Variants in CFAP52 observed in about 807,000 individuals in gnomAD.
CFAP52 encodes cilia- and flagella-associated protein 52.
CFAP52 carries 57 observed loss-of-function variants against 70.5 expected under a neutral mutation model. The ratio of observed to expected loss-of-function variants is 0.81; its 90% CI spans 0.65 to 1.01. The LOEUF is 1.01. Ranked by LOEUF, CFAP52 falls within the 50% of genes least tolerant of loss-of-function variation. The pLI is 0.00. For synonymous variants in CFAP52, 267 were observed against 292.5 expected, an observed-to-expected ratio of 0.91 and a Z score of 0.89; for missense variants, 785 against 788.5, an observed-to-expected ratio of 1.00 and a Z score of 0.05.
chr17:9,601,324 A>G (rs1467517108), intron 6 of CFAP52, among the ~76,000 whole-genome samples: 2 of 151,672 alleles, frequency 1.3e-5, no homozygotes, highest in Non-Finnish European at 2.9e-5. Flanking sequence ...TGACGAGTTA[A>G]TGGGTGCAGC....
At chr17:9,629,977 A>G (rs1385966087) in intron 9 of CFAP52, among the ~76,000 whole-genome samples, 1 of 151,898 alleles carries the variant, frequency 6.6e-6, no homozygotes, top group Non-Finnish European at 1.5e-5. Flanking sequence ...TAGGGCTGCC[A>G]GGAGCTCTGG....
intron 8 of CFAP52, among the ~76,000 whole-genome samples, chr17:9,627,286 G>C (rs1910274731): frequency 1.3e-5 from 2 of 152,090 alleles, no homozygotes; most frequent in Non-Finnish European, 2.9e-5. Flanking sequence ...GATGTGGGTG[G>C]ATCACCTGAG....
intron 1 of CFAP52, among the ~76,000 whole-genome samples, chr17:9,582,752 T>C (rs111922315): frequency 0.011 from 1,688 of 152,302 alleles, 32 homozygotes; most frequent in African/African-American, 0.039. Context: ...TTCTCCTGCC[T>C]CAGCCTCTCA....
chr17:9,628,961 C>T (rs1448782655), intron 9 of CFAP52, 141 bp downstream of exon 9: 1 of 1,292,180 alleles, frequency 7.7e-7, no homozygotes, highest in East Asian at 2.4e-5. Flanking sequence ...TCTAATCTAG[C>T]CTCTCTTTGG....
chr17:9,615,840 A>G (rs893349848), intron 8 of CFAP52, among the ~76,000 whole-genome samples: 3 of 120,226 alleles, frequency 2.5e-5, no homozygotes, highest in Non-Finnish European at 3.3e-5. Context: ...GGGTCTCACT[A>G]TGTTGCCCAA....
intron 12 of CFAP52, chr17:9,639,121 A>T: frequency 1.8e-5 from 3 of 163,360 alleles, no homozygotes; most frequent in Admixed American, 6.1e-5. Flanking sequence ...ACTGTACTTC[A>T]TCAATACATT....
At chr17:9,628,939 C>G in intron 9 of CFAP52, 119 bp downstream of exon 9, 22 of 1,419,368 alleles carry the variant, frequency 1.5e-5, no homozygotes, top group Non-Finnish European at 1.8e-5. Context: ...CACTGTCCAC[C>G]CCCTTCTTGC....
downstream of CFAP52, chr17:9,645,044 C>A (rs1911260819): frequency 6.6e-6 from 1 of 152,158 alleles, no homozygotes; most frequent in African/African-American, 2.4e-5. The surrounding 1 kb of genome is among the most constrained non-coding windows in gnomAD (Gnocchi z 6.8). Flanking sequence ...TGCCTCCCCC[C>A]AAGGGGCAGA....
chr17:9,644,682 T>A (rs1483156075), downstream of CFAP52: 2 of 151,958 alleles, frequency 1.3e-5, no homozygotes, highest in African/African-American at 2.4e-5. Flanking sequence ...GGATCGTGCG[T>A]TAAGGAGTGA....
intron 3 of CFAP52, among the ~76,000 whole-genome samples, chr17:9,588,478 A>G (rs1908597847): frequency 6.6e-6 from 1 of 152,184 alleles, no homozygotes; most frequent in African/African-American, 2.4e-5. Context: ...CAGGGCAGAC[A>G]GTGTGAGAAA....
chr17:9,580,889 T>A (rs1241717227), intron 1 of CFAP52, among the ~76,000 whole-genome samples: 1 of 152,208 alleles, frequency 6.6e-6, no homozygotes, highest in African/African-American at 2.4e-5. Flanking sequence ...AAGATAATCT[T>A]TGAGCTTTTA....
rs1911160841 is a variant in CFAP52 at position 9,643,127 on chromosome 17, G to A, written c.1792G>A (p.Gly598Arg). 1 of 1,613,840 alleles carries A rather than the reference G, an allele frequency of 6.2e-7. No homozygotes were observed. Among genetic ancestry groups the A allele is most frequent in the Non-Finnish European group, 8.5e-7 (1 of 1,179,898 alleles). The change falls in exon 14 of 14, where the codon GGA (glycine) becomes AGA (arginine). Residue 598 changes from glycine (G) to arginine (R), a missense_variant. Physicochemically the swap from Gly to Arg is moderately radical, Grantham distance 125. Coordinates refer to ENST00000352665, the MANE Select transcript of CFAP52 (RefSeq NM_145054.5). ...CATCACACGCATCCGCATAAGTCCA[G>A]GAAATCAATATATTGTTAGTGTAAG... ...GNITRIRISPGNQYIVSVSAD... is the reference protein window; with the variant it reads ...GNITRIRISPRNQYIVSVSAD...
chr17:9,606,639 G>T (rs1909501385), intron 6 of CFAP52, among the ~76,000 whole-genome samples: 1 of 152,178 alleles, frequency 6.6e-6, no homozygotes, highest in South Asian at 2.1e-4. Flanking sequence ...CAGAACCTGT[G>T]CACTTGAATG....
In CFAP52 at chr17:9,584,365, G is replaced by C. The variant is rs1030836586; in HGVS notation, c.71-1408G>C. ...CATGAAAGGTCCCAGGCTCTTCAGA[G>C]CACCTGGTGGGCACTCAGAACTGAA... On this transcript the variant is annotated intron_variant, in intron 1 of 13. Transcript: ENST00000352665. The C allele has an allele frequency of 3.9e-6, 5 of 1,286,112 alleles. No homozygotes were observed. The Admixed American group carries it at 1.2e-4, about 30-fold the overall frequency. 79.7% of individuals were successfully genotyped at this position (1,286,112 alleles called of 1,614,324 possible). A position where few individuals can be genotyped will look rare whatever the true frequency, so the allele number is the denominator to read the frequency against.
rs556034766 is a variant in CFAP52 at position 9,636,803 on chromosome 17, T to A, written c.1472+1247T>A. The stretch of plus-strand genomic sequence containing the variant: ...GGCTCCCGCCTGTAACCCCAGCACT[T>A]TGGGAGGCCGAGGTGGGAGGATCAA... On this transcript the variant is annotated intron_variant, in intron 11 of 13. Transcript: ENST00000352665. Among the ~76,000 whole-genome samples, 11 of 152,228 alleles carry A rather than the reference T, an allele frequency of 7.2e-5. No homozygotes were observed. The South Asian group carries it at 1.7e-3, about 23-fold the overall frequency.
intron 3 of CFAP52, among the ~76,000 whole-genome samples, chr17:9,587,054 G>C (rs1263665839): frequency 1.3e-5 from 2 of 151,844 alleles, no homozygotes; most frequent in African/African-American, 4.8e-5. Context: ...CAGTGTCTGT[G>C]TTCCCTTCTA....
At chr17:9,634,915 A>G (rs1910707159) in intron 10 of CFAP52, among the ~76,000 whole-genome samples, 1 of 152,206 alleles carries the variant, frequency 6.6e-6, no homozygotes, top group Non-Finnish European at 1.5e-5. Context: ...ATTTGGAAAT[A>G]TTTGTGATAT....
At position 9,608,237 on chromosome 17, in the gene CFAP52, C is replaced by T. The variant is rs1436172353; in HGVS notation, c.854+18C>T. 22 of 1,592,638 alleles carry T rather than the reference C, an allele frequency of 1.4e-5. No homozygotes were observed. Among genetic ancestry groups the T allele is most frequent in the Non-Finnish European group, 1.9e-5 (22 of 1,167,006 alleles). ...CCCATCAAGTAAGTTCCGGGTCTCA[C>T]ACAGTGGGGCTGGGTAGAGACCCAC... is the stretch of plus-strand genomic sequence containing the variant. On this transcript the variant is annotated intron_variant, in intron 7 of 13. Transcript: ENST00000352665.
intron 6 of CFAP52, among the ~76,000 whole-genome samples, chr17:9,604,085 C>G (rs1480746471): frequency 1.3e-5 from 2 of 152,002 alleles, no homozygotes; most frequent in Non-Finnish European, 2.9e-5. Context: ...ATGCTAAACA[C>G]CTGGAAAACC....
Sources: gnomAD v4.1 joint callset for allele counts (sites outside exome capture counted in the v4.1 genomes callset) on GRCh38, gnomAD v4.1.1 for gene constraint, Gnocchi (gnomAD v3.1) non-coding constraint, MANE v1.5 for transcripts, NCBI Gene and HGNC (gene_info 2026-07-23, HGNC 2026-07-21) for gene names.